The following DNAI1 variants were observed in gnomAD, a reference collection of about 807,000 sequenced individuals.
DNAI1 encodes the protein dynein axonemal intermediate chain 1.
A neutral mutation model predicts 92.0 loss-of-function variants in DNAI1; 67 were observed. The ratio of observed to expected loss-of-function variants is 0.73; its 90% CI spans 0.60 to 0.89. The LOEUF is 0.89. Among genes scored for constraint, DNAI1 ranks in the 40% least tolerant of loss-of-function variants. DNAI1 has a pLI of 0.00. For missense variants in DNAI1, 839 were observed against 866.6 expected, an observed-to-expected ratio of 0.97 and a Z score of 0.40; for synonymous variants, 323 against 319.6, an observed-to-expected ratio of 1.01 and a Z score of -0.11.
rs202169255 is a variant in DNAI1, at chr9:34,506,583, G to A, written c.1064-44G>A. On this transcript the variant is annotated intron_variant, in intron 12 of 19. Coordinates refer to ENST00000242317, the MANE Select transcript of DNAI1 (RefSeq NM_012144.4). The stretch of plus-strand genomic sequence containing the variant: ...GGGTGAGGGGGCTTCTCCAGGCAGG[G>A]CAGTTGGATCCTCCAACCTCAGCCG... 2.5e-6 allele frequency: 4 copies of A among 1,613,262 alleles called. No homozygotes were observed. In the African/African-American group the frequency reaches 5.3e-5, roughly 22 times the overall value.
intron 18 of DNAI1, among the ~76,000 whole-genome samples, chr9:34,515,985 GAAAAAGAA>G (rs1468493228): frequency 1.3e-5 from 2 of 151,832 alleles, no homozygotes; most frequent in African/African-American, 4.8e-5. Flanking sequence ...GCCAGGCAAT[GAAAAAGAA>G]AAAAAGAAAA....
intron 11 of DNAI1, 76 bp from the exon 12 acceptor site, chr9:34,501,062 G>A: frequency 7.9e-7 from 1 of 1,258,518 alleles, no homozygotes. Flanking sequence ...AGGCACCAGT[G>A]CCAATGGGAA....
chr9:34,506,124 C>A (rs762999758), intron 12 of DNAI1, among the ~76,000 whole-genome samples: 21 of 152,110 alleles, frequency 1.4e-4, no homozygotes, highest in Non-Finnish European at 2.2e-4. Context: ...TCAGGCTGAA[C>A]CTGGGACTGT....
chr9:34,508,954 C>T (rs924182878), intron 13 of DNAI1, among the ~76,000 whole-genome samples: 5 of 152,186 alleles, frequency 3.3e-5, no homozygotes, highest in Non-Finnish European at 5.9e-5. Context: ...TTACTCACTT[C>T]CTGTTCTCTT....
At chr9:34,480,787 A>G (rs1344328957) in intron 1 of DNAI1, among the ~76,000 whole-genome samples, 1 of 151,772 alleles carries the variant, frequency 6.6e-6, no homozygotes, top group Non-Finnish European at 1.5e-5. Context: ...CTACTAAAAA[A>G]TACAAAAAAT....
chr9:34,492,452 G>C (rs1339442083), intron 8 of DNAI1, among the ~76,000 whole-genome samples: 1 of 137,622 alleles, frequency 7.3e-6, no homozygotes, highest in Non-Finnish European at 1.6e-5. Flanking sequence ...GCCCGAGCCA[G>C]TATGTTTATG....
chr9:34,504,898 A>G (rs779250296), intron 12 of DNAI1, among the ~76,000 whole-genome samples: 24 of 152,160 alleles, frequency 1.6e-4, no homozygotes, highest in Admixed American at 4.6e-4. Context: ...AGGTATGGGA[A>G]ATGGAGAGAG....
At chr9:34,464,858 C>T (rs1824008547) in intron 1 of DNAI1, among the ~76,000 whole-genome samples, 1 of 151,794 alleles carries the variant, frequency 6.6e-6, no homozygotes. Context: ...CATTCTGATT[C>T]TGGGGGAATT....
intron 8 of DNAI1, among the ~76,000 whole-genome samples, chr9:34,492,493 G>GATTATATAT (rs1824622997): frequency 1.5e-5 from 1 of 68,268 alleles, no homozygotes; most frequent in Non-Finnish European, 3.1e-5. Flanking sequence ...GGGATATGAA[G>GATTATATAT]ATATATATAT....
At chr9:34,482,360 C>G (rs1429714348) in intron 1 of DNAI1, among the ~76,000 whole-genome samples, 1 of 148,238 alleles carries the variant, frequency 6.7e-6, no homozygotes, top group African/African-American at 2.5e-5. Flanking sequence ...TATTTACAAT[C>G]CCTGAGCTAG....
chr9:34,488,010 A>G (rs575150049), intron 4 of DNAI1: 220 of 354,766 alleles, frequency 6.2e-4, no homozygotes, highest in African/African-American at 4.4e-3. Context: ...TACTGGGGAC[A>G]AGATGAAGGT....
intron 13 of DNAI1, among the ~76,000 whole-genome samples, chr9:34,508,192 C>A (rs1025772093): frequency 1.3e-5 from 2 of 152,222 alleles, no homozygotes; most frequent in Non-Finnish European, 2.9e-5. Context: ...AGTCTGCAGG[C>A]AAGTTCTACA....
At chr9:34,491,669 A>G (rs979917780) in intron 8 of DNAI1, 115 bp downstream of exon 8, 2 of 1,117,760 alleles carry the variant, frequency 1.8e-6, no homozygotes, top group African/African-American at 1.5e-5. Flanking sequence ...TGCCCTCCTC[A>G]TCTACTTGCC....
intron 8 of DNAI1, among the ~76,000 whole-genome samples, chr9:34,492,526 A>ATATATATATATATG: frequency 9.9e-6 from 1 of 100,728 alleles, no homozygotes; most frequent in Non-Finnish European, 2.0e-5. Context: ...ATATATATAT[A>ATATATATATATATG]TATATATATT....
At chr9:34,501,337 A>G (rs1322915677) in intron 12 of DNAI1, among the ~76,000 whole-genome samples, 156 bp downstream of exon 12, 1 of 152,272 alleles carries the variant, frequency 6.6e-6, no homozygotes, top group Non-Finnish European at 1.5e-5. Flanking sequence ...CCTACTGGCA[A>G]TTAGTGCTGG....
At chr9:34,495,959 G>A (rs772182747) in intron 9 of DNAI1, among the ~76,000 whole-genome samples, 6 of 152,126 alleles carry the variant, frequency 3.9e-5, no homozygotes, top group South Asian at 2.1e-4. Context: ...TCTTTCAGGC[G>A]TGGCAAAAGG....
rs748727894 is a variant in DNAI1, at chr9:34,491,558, A to G, written c.681+4A>G. ...CTTTTCAGCCACAGCCAATCAGGTA[A>G]GACCCTGGGCCAGCCTGAAACCTCT... On this transcript the variant is annotated splice_donor_region_variant and intron_variant, in intron 8 of 19. Transcript: ENST00000242317. 3 of 1,614,180 alleles carry G rather than the reference A, an allele frequency of 1.9e-6. No homozygotes were observed. Among genetic ancestry groups the G allele is most frequent in the Admixed American group, 1.7e-5 (1 of 60,024 alleles).
intron 9 of DNAI1, among the ~76,000 whole-genome samples, chr9:34,495,961 G>T (rs577223240): frequency 3.3e-5 from 5 of 152,230 alleles, no homozygotes; most frequent in Admixed American, 6.5e-5. Context: ...TTTCAGGCGT[G>T]GCAAAAGGTC....
chr9:34,466,253 C>A (rs767585631), intron 1 of DNAI1, among the ~76,000 whole-genome samples: 26 of 152,162 alleles, frequency 1.7e-4, no homozygotes, highest in Non-Finnish European at 3.2e-4. Context: ...GCAGCCTAAT[C>A]CTATTAATTA....
Sources: gnomAD v4.1 joint callset for allele counts (sites outside exome capture counted in the v4.1 genomes callset) on GRCh38, gnomAD v4.1.1 for gene constraint, MANE v1.5 for transcripts, NCBI Gene and HGNC (gene_info 2026-07-23, HGNC 2026-07-21) for gene names.